CCNY: variants seen among roughly 807,000 people sequenced by gnomAD.
CCNY encodes the protein cyclin-Y.
A neutral mutation model predicts 42.8 loss-of-function variants in CCNY; 19 were observed. The ratio of observed to expected loss-of-function variants is 0.44; its 90% CI spans 0.31 to 0.65. CCNY has a LOEUF of 0.65. CCNY is among the 30% of genes least tolerant of loss of function. The pLI, the probability that CCNY is intolerant of heterozygous loss-of-function variation, is 0.07. For missense variants in CCNY, 370 were observed against 437.3 expected, an observed-to-expected ratio of 0.85 and a Z score of 1.37; for synonymous variants, 165 against 162.7, an observed-to-expected ratio of 1.01 and a Z score of -0.11.
At chr10:35,513,648 C>G (rs1840367423) in intron 3 of CCNY, among the ~76,000 whole-genome samples, 1 of 152,182 alleles carries the variant, frequency 6.6e-6, no homozygotes, top group South Asian at 2.1e-4. Flanking sequence ...TGTTTTACAG[C>G]TGAGGAAACT....
intron 1 of CCNY, among the ~76,000 whole-genome samples, chr10:35,351,127 C>A (rs1375808974): frequency 6.6e-6 from 1 of 152,182 alleles, no homozygotes; most frequent in African/African-American, 2.4e-5. Flanking sequence ...GTTTTCAACA[C>A]TGCTATTACA....
intron 8 of CCNY, among the ~76,000 whole-genome samples, chr10:35,561,372 C>T (rs763169805): frequency 3.8e-4 from 58 of 152,310 alleles, no homozygotes; most frequent in Non-Finnish European, 6.3e-4. Flanking sequence ...AAGAATATTG[C>T]TAACATTTTT....
At chr10:35,319,007 G>C (rs962949066) in intron 3 of CCNY, among the ~76,000 whole-genome samples, 1 of 152,066 alleles carries the variant, frequency 6.6e-6, no homozygotes, top group Non-Finnish European at 1.5e-5. Context: ...GTGTCACCTG[G>C]GCCGGAGTGC....
At chr10:35,442,617 A>G (rs745738979) in intron 1 of CCNY, among the ~76,000 whole-genome samples, 2 of 152,126 alleles carry the variant, frequency 1.3e-5, no homozygotes, top group Non-Finnish European at 2.9e-5. Flanking sequence ...GAGATATGAA[A>G]CAGCATGATG....
At chr10:35,414,033 T>C (rs1837970752) in intron 1 of CCNY, among the ~76,000 whole-genome samples, 1 of 152,242 alleles carries the variant, frequency 6.6e-6, no homozygotes, top group Admixed American at 6.5e-5. Context: ...GATATGTTTT[T>C]TAACCCAGGG....
chr10:35,292,532 T>C lies in CCNY; in HGVS notation c.-9+41906T>C, dbSNP rs377747950. ...TGCACTACCGTGCCTGGCTAACTTT[T>C]GTATTATTAGTAGAGACAGGGTTTC... On this transcript the variant is annotated intron_variant, in intron 3 of 11. Coordinates refer to the CCNY transcript ENST00000374706. Among the ~76,000 whole-genome samples the C allele has an allele frequency of 1.4e-3, 220 of 152,058 alleles. 6 individuals carry two copies. The South Asian group carries it at 0.032, about 22-fold the overall frequency.
At chr10:35,255,113 A>G (rs989242116) in intron 3 of CCNY, among the ~76,000 whole-genome samples, 8 of 151,792 alleles carry the variant, frequency 5.3e-5, no homozygotes, top group Non-Finnish European at 1.0e-4. Flanking sequence ...ATATAACTGT[A>G]TATGTCTAAT....
chr10:35,346,896 G>A (rs948229776), intron 1 of CCNY, among the ~76,000 whole-genome samples: 2 of 152,214 alleles, frequency 1.3e-5, no homozygotes, highest in African/African-American at 4.8e-5. Flanking sequence ...CAAAGTGCTG[G>A]GATTATAGGT....
chr10:35,302,279 CA>C (rs1189163325), intron 3 of CCNY, among the ~76,000 whole-genome samples: 2 of 150,038 alleles, frequency 1.3e-5, no homozygotes, highest in Non-Finnish European at 3.0e-5. Flanking sequence ...ATTTTTCTAT[CA>C]AAACAGCAGG....
chr10:35,504,879 C>T (rs2135394847), intron 3 of CCNY, among the ~76,000 whole-genome samples: 1 of 152,234 alleles, frequency 6.6e-6, no homozygotes, highest in Non-Finnish European at 1.5e-5. Flanking sequence ...TCAGGTGATC[C>T]ACCCGCCTTA....
chr10:35,311,688 C>G (rs866413200), intron 3 of CCNY, among the ~76,000 whole-genome samples: 4 of 149,844 alleles, frequency 2.7e-5, no homozygotes, highest in East Asian at 2.0e-4. Context: ...CCCCACCCCC[C>G]CAAAAAAAAG....
intron 1 of CCNY, among the ~76,000 whole-genome samples, chr10:35,355,152 T>C (rs1836517522): frequency 6.6e-6 from 1 of 152,154 alleles, no homozygotes; most frequent in South Asian, 2.1e-4. Context: ...GCAGGAGCCT[T>C]ACTCTCCTGT....
chr10:35,447,882 G>A (rs1356034506), intron 1 of CCNY, among the ~76,000 whole-genome samples: 1 of 152,208 alleles, frequency 6.6e-6, no homozygotes, highest in East Asian at 1.9e-4. Context: ...GAAAACAAAA[G>A]ATATGCTTTT....
At chr10:35,270,643 G>T (rs1208353109) in intron 3 of CCNY, among the ~76,000 whole-genome samples, 2 of 151,634 alleles carry the variant, frequency 1.3e-5, no homozygotes, top group African/African-American at 4.8e-5. Context: ...TCATGCTGTC[G>T]CTTTTTTGTT....
intron 1 of CCNY, among the ~76,000 whole-genome samples, chr10:35,371,322 A>G (rs528329384): frequency 4.6e-5 from 7 of 151,972 alleles, no homozygotes; most frequent in Admixed American, 3.3e-4. Context: ...CTTCCTTTCT[A>G]TTTCAATTGT....
intron 1 of CCNY, among the ~76,000 whole-genome samples, chr10:35,421,991 A>G (rs1289827503): frequency 2.6e-5 from 4 of 152,208 alleles, no homozygotes; most frequent in Non-Finnish European, 1.5e-5. Flanking sequence ...ACTGCCCCAC[A>G]GTCATCAGGG....
chr10:35,270,617 C>T (rs1413111399), intron 3 of CCNY, among the ~76,000 whole-genome samples: 3 of 152,122 alleles, frequency 2.0e-5, no homozygotes, highest in Admixed American at 2.0e-4. Flanking sequence ...CCAGAGTCCA[C>T]AACAACACCT....
At chr10:35,373,895 C>G (rs1243586864) in intron 1 of CCNY, among the ~76,000 whole-genome samples, 1 of 150,298 alleles carries the variant, frequency 6.7e-6, no homozygotes, top group African/African-American at 2.4e-5. Flanking sequence ...CTCCTAACCC[C>G]TGAGTTGTTC....
At chr10:35,414,602 C>T (rs562636360) in intron 1 of CCNY, among the ~76,000 whole-genome samples, 19 of 152,278 alleles carry the variant, frequency 1.2e-4, no homozygotes, top group East Asian at 3.9e-4. Context: ...TACCAGGAGG[C>T]GGGAATCATT....
Sources: gnomAD v4.1 joint callset for allele counts (sites outside exome capture counted in the v4.1 genomes callset) on GRCh38, gnomAD v4.1.1 for gene constraint, MANE v1.5 for transcripts, NCBI Gene and HGNC (gene_info 2026-07-23, HGNC 2026-07-21) for gene names.